The following PUM1 variants were observed in gnomAD, a reference collection of about 807,000 sequenced individuals.
PUM1 encodes pumilio RNA binding family member 1.
Under a neutral mutation model 131.8 loss-of-function variants are expected in PUM1, and 13 were observed. The ratio of observed to expected loss-of-function variants is 0.10; its 90% CI spans 0.06 to 0.16. The LOEUF (loss-of-function observed/expected upper bound fraction) is 0.16. Ranked by LOEUF, PUM1 falls within the 10% of genes least tolerant of loss-of-function variation. The pLI, the probability that PUM1 is intolerant of heterozygous loss-of-function variation, is 1.00. For synonymous variants in PUM1, 509 were observed against 556.5 expected, an observed-to-expected ratio of 0.91 and a Z score of 1.20; for missense variants, 961 against 1,512.4, an observed-to-expected ratio of 0.64 and a Z score of 6.05.
rs202036350 is a variant in PUM1 at position 30,933,184 on chromosome 1, A to T, written c.*27T>A. The T allele has an allele frequency of 5.0e-6, 8 of 1,597,774 alleles. No individual in the cohort carries two copies. Among genetic ancestry groups the T allele is most frequent in the Non-Finnish European group, 6.0e-6 (7 of 1,171,430 alleles). On this transcript the variant is annotated 3_prime_UTR_variant, in exon 22 of 22. Transcript: ENST00000426105. ...CCAGTGGGCCAGTGAGGTCAGCGGG[A>T]ATGAGGGAACAGCGGGTGACACTGC...
At chr1:31,018,434 T>A (rs979512150) in intron 3 of PUM1, among the ~76,000 whole-genome samples, 1 of 152,086 alleles carries the variant, frequency 6.6e-6, no homozygotes, top group African/African-American at 2.4e-5. Flanking sequence ...GGCCGATGGA[T>A]CACCTGAGGT....
At position 30,974,732 on chromosome 1, in the gene PUM1, C is replaced by T; in HGVS notation, c.1425G>A (p.Gln475=). 2 of 1,612,558 alleles carry T rather than the reference C, an allele frequency of 1.2e-6. No individual in the cohort carries two copies. Among genetic ancestry groups the T allele is most frequent in the South Asian group, 1.1e-5 (1 of 90,816 alleles). ...PWGVYPASLF[Q]QQAAAAAAAT... is the part of the protein sequence containing the mutation. ...CTGCAGCGGCAGCGGCAGCTTGCTGCTGGAAAAGACTGGCAGGGTAGACTC... is the reference window on the plus strand; with the variant it reads ...CTGCAGCGGCAGCGGCAGCTTGCTGTTGGAAAAGACTGGCAGGGTAGACTC... Residue 475 remains glutamine (Q), a synonymous_variant, in exon 10 of 22, where the codon CAG becomes CAA. Transcript: ENST00000426105.
chr1:30,946,164 A>C (rs1268265367), intron 17 of PUM1, among the ~76,000 whole-genome samples: 1 of 152,190 alleles, frequency 6.6e-6, no homozygotes, highest in African/African-American at 2.4e-5. Flanking sequence ...GATACTCCTT[A>C]ACTTAGAAAA....
intron 1 of PUM1, among the ~76,000 whole-genome samples, chr1:31,064,558 C>A (rs1644438945): frequency 6.6e-6 from 1 of 152,042 alleles, no homozygotes; most frequent in African/African-American, 2.4e-5. Flanking sequence ...CAGAAGTTAA[C>A]TGACTTTAAA....
At chr1:31,037,553 T>C (rs1643652529) in intron 2 of PUM1, among the ~76,000 whole-genome samples, 1 of 151,912 alleles carries the variant, frequency 6.6e-6, no homozygotes, top group Admixed American at 6.6e-5. Flanking sequence ...ACCCTGCCTC[T>C]ACTAAAAATA....
At chr1:30,967,428 A>C in intron 11 of PUM1, 118 bp from the exon 12 acceptor site, 1 of 930,506 alleles carries the variant, frequency 1.1e-6, no homozygotes, top group African/African-American at 1.7e-5. Context: ...CCAGATTTAT[A>C]TACTGGCTCC....
At chr1:31,005,274 T>C (rs1428679713) in intron 5 of PUM1, among the ~76,000 whole-genome samples, 1 of 152,132 alleles carries the variant, frequency 6.6e-6, no homozygotes, top group Non-Finnish European at 1.5e-5. Flanking sequence ...TCAGTGATAA[T>C]GAATCAAAAA....
At chr1:30,988,095 T>C (rs1342013882) in intron 7 of PUM1, among the ~76,000 whole-genome samples, 1 of 152,232 alleles carries the variant, frequency 6.6e-6, no homozygotes, top group African/African-American at 2.4e-5. Context: ...TTAAACATTA[T>C]TCTGAGAAGT....
At chr1:31,006,294 C>A (rs1642399803) in intron 4 of PUM1, among the ~76,000 whole-genome samples, 1 of 152,040 alleles carries the variant, frequency 6.6e-6, no homozygotes, top group African/African-American at 2.4e-5. Context: ...AATTTTTACC[C>A]CTTTATAAGT....
intron 14 of PUM1, among the ~76,000 whole-genome samples, chr1:30,958,145 G>T (rs1213476664): frequency 2.0e-5 from 3 of 152,120 alleles, no homozygotes; most frequent in Non-Finnish European, 4.4e-5. Context: ...ACAGAGAAAG[G>T]TATTTTCTGT....
intron 14 of PUM1, among the ~76,000 whole-genome samples, chr1:30,963,297 G>A (rs982691384): frequency 2.0e-5 from 3 of 152,070 alleles, no homozygotes; most frequent in Non-Finnish European, 1.5e-5. Context: ...TTAAAGCCAG[G>A]CATTGTGTCA....
chr1:30,936,937 A>G lies in PUM1; in HGVS notation c.3243-102T>C. On this transcript the variant is annotated intron_variant, in intron 20 of 21. Transcript: ENST00000426105. ...CCCTGACCTCCGGACCAGCAGGGAG[A>G]GAGAGCTATTTAACATTTGAGGAAG... The G allele has an allele frequency of 3.1e-6, 3 of 981,752 alleles. No homozygotes were observed. The South Asian group carries it at 5.4e-5, about 18-fold the overall frequency. 60.8% of individuals were successfully genotyped at this position (981,752 alleles called of 1,614,324 possible). A position where few individuals can be genotyped will look rare whatever the true frequency, so the allele number is the denominator to read the frequency against.
At chr1:30,969,316 CAAAAAAAAAAAA>C (rs763999971) in intron 10 of PUM1, among the ~76,000 whole-genome samples, 31 of 51,206 alleles carry the variant, frequency 6.1e-4, no homozygotes, top group Middle Eastern at 8.8e-3. Context: ...AACACACACA[CAAAAAAAAAAAA>C]AAAAAAAAGA....
At chr1:31,009,609 A>T (rs1642522192) in intron 3 of PUM1, among the ~76,000 whole-genome samples, 1 of 151,798 alleles carries the variant, frequency 6.6e-6, no homozygotes, top group African/African-American at 2.4e-5. Context: ...TCTACTAAAA[A>T]ACTCAAAAAT....
At chr1:31,005,023 T>C (rs1642348821) in intron 5 of PUM1, among the ~76,000 whole-genome samples, 1 of 152,226 alleles carries the variant, frequency 6.6e-6, no homozygotes, top group Non-Finnish European at 1.5e-5. Flanking sequence ...AGAAGATTCA[T>C]GTGCCTCTCA....
rs1304537610 is a variant in PUM1 at position 30,932,577 on chromosome 1, T to C, written c.*634A>G. ...AATATAGTCTCCAAAAAAGGCATTT[T>C]TTAGAATTTCATAAACTTAATGTCA... On this transcript the variant is annotated 3_prime_UTR_variant, in exon 22 of 22. Transcript: ENST00000426105. 6.6e-6 allele frequency: 1 copy of C among 150,732 alleles called. No individual in the cohort carries two copies. Among genetic ancestry groups the C allele is most frequent in the African/African-American group, 2.4e-5 (1 of 41,164 alleles). 9.3% of individuals were successfully genotyped at this position (150,732 alleles called of 1,614,324 possible). A position where few individuals can be genotyped will look rare whatever the true frequency, so the allele number is the denominator to read the frequency against.
chr1:30,967,378 A>G, intron 11 of PUM1, 68 bp from the exon 12 acceptor site: 2 of 1,487,782 alleles, frequency 1.3e-6, no homozygotes, highest in Non-Finnish European at 1.9e-6. Flanking sequence ...GCACCAACAT[A>G]TTGTCAATAA....
At chr1:30,971,114 C>A (rs527305234) in intron 10 of PUM1, among the ~76,000 whole-genome samples, 14 of 152,136 alleles carry the variant, frequency 9.2e-5, no homozygotes, top group African/African-American at 3.4e-4. Context: ...ACAAAATATA[C>A]AGTTTCACAA....
intron 10 of PUM1, among the ~76,000 whole-genome samples, chr1:30,970,902 T>C (rs1379807321): frequency 6.6e-6 from 1 of 152,172 alleles, no homozygotes; most frequent in Non-Finnish European, 1.5e-5. Flanking sequence ...GCAGGTGTGG[T>C]AGAGTGGACA....
Sources: gnomAD v4.1 joint callset for allele counts (sites outside exome capture counted in the v4.1 genomes callset) on GRCh38, gnomAD v4.1.1 for gene constraint, MANE v1.5 for transcripts, NCBI Gene and HGNC (gene_info 2026-07-23, HGNC 2026-07-21) for gene names.